GPC5: variants seen among roughly 807,000 people sequenced by gnomAD.
GPC5 encodes glypican-5.
A neutral mutation model predicts 53.9 loss-of-function variants in GPC5; 47 were observed. The ratio of observed to expected loss-of-function variants is 0.87; its 90% CI spans 0.69 to 1.11. The LOEUF (loss-of-function observed/expected upper bound fraction) is 1.11. GPC5 is among the 50% of genes most tolerant of loss of function. GPC5 has a pLI of 0.00. For missense variants in GPC5, 748 were observed against 713.1 expected (o/e 1.05, Z -0.56); for synonymous variants, 286 against 263.3 (o/e 1.09, Z -0.84).
At chr13:92,308,951 G>A (rs1376665732) in intron 7 of GPC5, among the ~76,000 whole-genome samples, 1 of 152,062 alleles carries the variant, frequency 6.6e-6, no homozygotes, top group African/African-American at 2.4e-5. Context: ...TCATTATGCA[G>A]GGAGGTTGCA....
At chr13:91,689,169 A>T (rs1156438711) in intron 2 of GPC5, among the ~76,000 whole-genome samples, 17 of 126,870 alleles carry the variant, frequency 1.3e-4, no homozygotes, top group Non-Finnish European at 2.6e-4. Flanking sequence ...ATGTTGTCTC[A>T]AAAAATCATA....
chr13:92,091,182 G>A (rs2138896291), intron 6 of GPC5, among the ~76,000 whole-genome samples: 1 of 152,198 alleles, frequency 6.6e-6, no homozygotes, highest in Admixed American at 6.5e-5. Flanking sequence ...AGACTAGCCT[G>A]GGCACCATAA....
intron 7 of GPC5, among the ~76,000 whole-genome samples, chr13:92,814,856 G>T (rs11843622): frequency 2.0e-5 from 3 of 151,774 alleles, no homozygotes; most frequent in African/African-American, 7.3e-5. Context: ...TTTGATCAAC[G>T]AATTTCTCTA....
intron 2 of GPC5, among the ~76,000 whole-genome samples, chr13:91,500,937 C>T (rs577463381): frequency 3.3e-5 from 5 of 152,174 alleles, no homozygotes; most frequent in African/African-American, 9.6e-5. Flanking sequence ...AAACCCCTTT[C>T]GCTTGGTTCT....
chr13:92,264,489 A>T (rs140433555), intron 7 of GPC5, among the ~76,000 whole-genome samples: 1,790 of 152,142 alleles, frequency 0.012, 42 homozygotes, highest in African/African-American at 0.041. Context: ...AGAAGCACAC[A>T]CACATACACA....
chr13:91,518,678 A>G (rs2139359237), intron 2 of GPC5, among the ~76,000 whole-genome samples: 1 of 152,198 alleles, frequency 6.6e-6, no homozygotes, highest in Admixed American at 6.5e-5. Flanking sequence ...TCAGCCTCCC[A>G]AGTAGCTGTG....
intron 7 of GPC5, among the ~76,000 whole-genome samples, chr13:92,771,239 G>C (rs1405558668): frequency 6.6e-6 from 1 of 152,096 alleles, no homozygotes; most frequent in Non-Finnish European, 1.5e-5. Context: ...TTGGGGCTAA[G>C]TCTAGGCTCA....
chr13:92,162,556 G>A (rs1038491342), intron 7 of GPC5, among the ~76,000 whole-genome samples: 1 of 152,132 alleles, frequency 6.6e-6, no homozygotes, highest in African/African-American at 2.4e-5. Flanking sequence ...TAGGGTTATG[G>A]ATAACCAGGG....
intron 6 of GPC5, among the ~76,000 whole-genome samples, chr13:92,024,106 A>T (rs745416378): frequency 2.6e-5 from 4 of 152,156 alleles, no homozygotes; most frequent in Non-Finnish European, 4.4e-5. Context: ...CATAAGCCTC[A>T]ATTATGGTGC....
intron 2 of GPC5, among the ~76,000 whole-genome samples, chr13:91,517,381 A>T (rs1885561170): frequency 6.6e-6 from 1 of 152,198 alleles, no homozygotes; most frequent in Non-Finnish European, 1.5e-5. Flanking sequence ...GGCAGGGGCA[A>T]AATGCTGCCA....
intron 6 of GPC5, among the ~76,000 whole-genome samples, chr13:92,050,757 G>A (rs2041021141): frequency 6.6e-6 from 1 of 151,988 alleles, no homozygotes; most frequent in South Asian, 2.1e-4. Flanking sequence ...TCACAAATTG[G>A]GGCATCATTT....
intron 7 of GPC5, chr13:92,448,979 GGTGAT>G (rs1173027622): frequency 6.6e-6 from 1 of 150,446 alleles, no homozygotes; most frequent in Non-Finnish European, 1.5e-5. Flanking sequence ...AATCAAGATG[GGTGAT>G]GTGTTATGTA....
intron 6 of GPC5, among the ~76,000 whole-genome samples, chr13:91,909,312 T>A (rs1182192180): frequency 6.6e-6 from 1 of 152,178 alleles, no homozygotes. Context: ...CTAGATTATT[T>A]GAAAATTTGA....
intron 7 of GPC5, among the ~76,000 whole-genome samples, chr13:92,810,624 T>C (rs1877259598): frequency 6.6e-6 from 1 of 151,850 alleles, no homozygotes; most frequent in South Asian, 2.1e-4. Context: ...CCCAGTAACC[T>C]TGAATCTACT....
intron 7 of GPC5, among the ~76,000 whole-genome samples, chr13:92,666,707 C>T (rs1056081052): frequency 6.6e-6 from 1 of 152,150 alleles, no homozygotes; most frequent in Admixed American, 6.5e-5. Context: ...TAGTGCTCAG[C>T]ATTTATAATT....
intron 2 of GPC5, among the ~76,000 whole-genome samples, chr13:91,618,614 A>C (rs941524834): frequency 6.6e-6 from 1 of 151,840 alleles, no homozygotes; most frequent in Non-Finnish European, 1.5e-5. Flanking sequence ...GGGCCTTTAG[A>C]CCAGTGGCAA....
chr13:91,916,820 T>G lies in GPC5; in HGVS notation c.1401+8763T>G, dbSNP rs80114738. Among the ~76,000 whole-genome samples the G allele has an allele frequency of 9.2e-3, 1,406 of 152,198 alleles. 11 individuals are homozygous for G. The highest frequency in any genetic ancestry group is 0.023 in the South Asian group (111 of 4,828). ...AAACCATCAAATCTGTGAGACTCACTCACTACCATGAAAACAGCATCAGAA... is the reference window on the plus strand; with the variant it reads ...AAACCATCAAATCTGTGAGACTCACGCACTACCATGAAAACAGCATCAGAA... On this transcript the variant is annotated intron_variant, in intron 6 of 7. Coordinates refer to ENST00000377067, the MANE Select transcript of GPC5 (RefSeq NM_004466.6).
chr13:92,614,405 A>C (rs901920626), intron 7 of GPC5, among the ~76,000 whole-genome samples: 3 of 152,176 alleles, frequency 2.0e-5, no homozygotes, highest in Admixed American at 6.5e-5. Context: ...CATTGTAAAA[A>C]TGAAATGTGG....
chr13:92,725,031 G>A (rs992868759), intron 7 of GPC5, among the ~76,000 whole-genome samples: 10 of 151,404 alleles, frequency 6.6e-5, no homozygotes, highest in Admixed American at 4.6e-4. Context: ...TGGAGTAGAC[G>A]TTAAGTCATA....
Sources: allele counts gnomAD v4.1 joint callset (sites outside exome capture counted in the v4.1 genomes callset), GRCh38; gene constraint gnomAD v4.1.1; transcripts MANE v1.5; gene names NCBI Gene and HGNC (gene_info 2026-07-23, HGNC 2026-07-21).